DNAJA1: variants seen among roughly 807,000 people sequenced by gnomAD.
The protein encoded by DNAJA1 is DnaJ heat shock protein family (Hsp40) member A1, also known as dnaJ homolog subfamily A member 1.
Under a neutral mutation model 47.6 loss-of-function variants are expected in DNAJA1, and 26 were observed. That is an observed-to-expected ratio of 0.55 (90% CI 0.40 to 0.76). DNAJA1 has a LOEUF of 0.76. Among genes scored for constraint, DNAJA1 ranks in the 30% least tolerant of loss-of-function variants. DNAJA1 has a pLI of 0.00. For missense variants in DNAJA1, 315 were observed against 485.0 expected (o/e 0.65, Z 3.29); for synonymous variants, 165 against 158.4 (o/e 1.04, Z -0.31).
At chr9:33,035,328 C>T (rs1587700065) in intron 6 of DNAJA1, among the ~76,000 whole-genome samples, 1 of 151,894 alleles carries the variant, frequency 6.6e-6, no homozygotes, top group African/African-American at 2.4e-5. Context: ...CGCCATTGCA[C>T]TCCAGCCTGG....
intron 6 of DNAJA1, among the ~76,000 whole-genome samples, chr9:33,035,072 A>T (rs1358840069): frequency 6.8e-6 from 1 of 146,300 alleles, no homozygotes; most frequent in Non-Finnish European, 1.5e-5. Flanking sequence ...AGTGGAGGTG[A>T]AATTGGGAAC....
chr9:33,030,358 A>G, intron 4 of DNAJA1, 82 bp from the exon 5 acceptor site: 2 of 1,324,644 alleles, frequency 1.5e-6, no homozygotes, highest in Non-Finnish European at 2.1e-6. Context: ...AAAGTATAGC[A>G]TTTAGGAATT....
rs867748833 is a variant in DNAJA1 at position 33,038,751 on chromosome 9, G to C, written c.1042G>C (p.Glu348Gln). The stretch of plus-strand genomic sequence containing the variant: ...GTCTTTGCTGGAAAAACTCCTACCC[G>C]AGAGGAAGGAAGTGGAAGAGACTGA... ...KLSLLEKLLP[E>Q]RKEVEETDEM... Residue 348 changes from glutamate to glutamine, a missense_variant, in exon 9 of 9, where the codon GAG (glutamate) becomes CAG (glutamine). By Grantham distance (29) the Glu-to-Gln change is conservative (BLOSUM62 2). Around this residue, in one of 4 missense-constraint regions of DNAJA1, gnomAD observed 162 missense variants for 185.4 expected, o/e 0.87. Coordinates refer to ENST00000330899, the MANE Select transcript of DNAJA1 (RefSeq NM_001539.4). 1 of 1,614,146 alleles carries C rather than the reference G, an allele frequency of 6.2e-7. No individual in the cohort carries two copies. The highest frequency in any genetic ancestry group is 8.5e-7 in the Non-Finnish European group (1 of 1,180,020).
In DNAJA1 at chr9:33,034,341, T is replaced by C; in HGVS notation, c.758+11T>C. The C allele has an allele frequency of 1.3e-6, 2 of 1,590,400 alleles. No homozygotes were observed. The highest frequency in any genetic ancestry group is 1.1e-5 in the South Asian group (1 of 87,094). On this transcript the variant is annotated intron_variant, in intron 6 of 8. Coordinates refer to ENST00000330899, the MANE Select transcript of DNAJA1 (RefSeq NM_001539.4). The stretch of plus-strand genomic sequence containing the variant: ...TGCTGTTTTTACTCGGTAAAGACTT[T>C]TATCAACCACTCAAATTGATATCAC...
intron 5 of DNAJA1, 64 bp downstream of exon 5, chr9:33,030,731 A>C (rs1209497958): frequency 5.2e-6 from 7 of 1,349,610 alleles, no homozygotes; most frequent in East Asian, 2.5e-5. Flanking sequence ...TTAACATTTT[A>C]TAATTGTTTA....
At chr9:33,037,309 T>TAAAA in intron 8 of DNAJA1, 194 bp downstream of exon 8, 1 of 308,694 alleles carries the variant, frequency 3.2e-6, no homozygotes, top group Non-Finnish European at 5.9e-6. Context: ...CCTGTCTCTT[T>TAAAA]AAAAAAACAA....
chr9:33,031,127 T>C (rs546557773), intron 5 of DNAJA1, among the ~76,000 whole-genome samples: 14 of 152,346 alleles, frequency 9.2e-5, no homozygotes, highest in Non-Finnish European at 1.6e-4. Flanking sequence ...GGAGTTTCGC[T>C]CTTGTTTCCC....
In DNAJA1 at chr9:33,037,320, A is replaced by C. The variant is rs532514610; in HGVS notation, c.975+205A>C. 731 of 325,354 alleles carry C rather than the reference A, an allele frequency of 2.2e-3. 5 individuals carry two copies. Among genetic ancestry groups the C allele is most frequent in the Middle Eastern group, 8.9e-3 (10 of 1,124 alleles). 20.2% of individuals were successfully genotyped at this position (325,354 alleles called of 1,614,324 possible). A position where few individuals can be genotyped will look rare whatever the true frequency, so the allele number is the denominator to read the frequency against. ...AAACCCTGTCTCTTTAAAAAAACAA[A>C]AAAAAAAAAAAATTAAAATTTCTGA... On this transcript the variant is annotated intron_variant, in intron 8 of 8. Transcript: ENST00000330899.
chr9:33,032,360 T>C (rs1202188040), intron 5 of DNAJA1, among the ~76,000 whole-genome samples: 2 of 152,240 alleles, frequency 1.3e-5, no homozygotes, highest in African/African-American at 4.8e-5. Context: ...CTTTGAGGTG[T>C]TCTTGATACC....
rs572535294 is a variant in DNAJA1 at position 33,034,209 on chromosome 9, T to A, written c.644-7T>A. The A allele has an allele frequency of 6.4e-7, 1 of 1,569,628 alleles. No homozygotes were observed. The highest frequency in any genetic ancestry group is 8.6e-7 in the Non-Finnish European group (1 of 1,161,514). Reference sequence around the variant, plus strand: ...ATAAAAGTACAAAATTAATGTTTTGTTTTTAGGCATGAAAGATGGCCAGAA... The same window carrying A: ...ATAAAAGTACAAAATTAATGTTTTGATTTTAGGCATGAAAGATGGCCAGAA... On this transcript the variant is annotated splice_region_variant and splice_polypyrimidine_tract_variant and intron_variant, in intron 5 of 8. Coordinates refer to ENST00000330899, the MANE Select transcript of DNAJA1 (RefSeq NM_001539.4).
chr9:33,025,733 G>A (rs1351791142), intron 1 of DNAJA1, among the ~76,000 whole-genome samples: 1 of 152,054 alleles, frequency 6.6e-6, no homozygotes, highest in African/African-American at 2.4e-5. Flanking sequence ...CCCTGCGCAC[G>A]CGCACAGGGA....
intron 7 of DNAJA1, 56 bp from the exon 8 acceptor site, chr9:33,036,959 C>T: frequency 6.8e-7 from 1 of 1,478,132 alleles, no homozygotes; most frequent in Non-Finnish European, 9.3e-7. Context: ...TTTATATTCC[C>T]TGCCTCATAA....
chr9:33,032,918 T>C (rs978692266), intron 5 of DNAJA1, among the ~76,000 whole-genome samples: 28 of 152,178 alleles, frequency 1.8e-4, no homozygotes, highest in Admixed American at 2.0e-4. Flanking sequence ...TGGATGGATA[T>C]GTAGGAATTC....
intron 5 of DNAJA1, 45 bp downstream of exon 5, chr9:33,030,712 G>T (rs749208836): frequency 1.0e-5 from 15 of 1,450,298 alleles, no homozygotes; most frequent in Non-Finnish European, 1.4e-5. Context: ...TGCTGTGGCA[G>T]ATTTATTATT....
At chr9:33,026,316 T>C (rs1456797549) in intron 1 of DNAJA1, among the ~76,000 whole-genome samples, 159 bp from the exon 2 acceptor site, 1 of 152,262 alleles carries the variant, frequency 6.6e-6, no homozygotes, top group African/African-American at 2.4e-5. Context: ...TTCGAGTTTA[T>C]AGCTGAATTA....
intron 1 of DNAJA1, among the ~76,000 whole-genome samples, chr9:33,025,819 C>T (rs1003753387): frequency 3.9e-5 from 6 of 152,190 alleles, no homozygotes; most frequent in African/African-American, 1.4e-4. Flanking sequence ...TTTCCCCTCC[C>T]TTTGTTTGTT....
At chr9:33,029,430 A>G (rs1838926627) in intron 3 of DNAJA1, among the ~76,000 whole-genome samples, 1 of 152,240 alleles carries the variant, frequency 6.6e-6, no homozygotes, top group Non-Finnish European at 1.5e-5. Context: ...TCCCTGGCCA[A>G]TCTTGATTAA....
chr9:33,029,149 CAA>C (rs1429504920), intron 3 of DNAJA1, among the ~76,000 whole-genome samples: 1 of 152,168 alleles, frequency 6.6e-6, no homozygotes, highest in Non-Finnish European at 1.5e-5. Context: ...TAATTTAAGA[CAA>C]AAACAAAAAT....
intron 5 of DNAJA1, among the ~76,000 whole-genome samples, chr9:33,032,649 A>G (rs1312585756): frequency 6.6e-6 from 1 of 152,244 alleles, no homozygotes; most frequent in Non-Finnish European, 1.5e-5. Flanking sequence ...CTCTGTATTC[A>G]GGAAAACCTA....
Sources: allele counts gnomAD v4.1 joint callset (sites outside exome capture counted in the v4.1 genomes callset), GRCh38; gene constraint gnomAD v4.1.1; regional missense constraint gnomAD v4.1.1; transcripts MANE v1.5; gene names NCBI Gene and HGNC (gene_info 2026-07-23, HGNC 2026-07-21).